Variants in PLIN4 observed in about 807,000 individuals in gnomAD.
PLIN4 encodes the protein perilipin-4.
In PLIN4, 57 loss-of-function variants were observed where a neutral mutation model predicts 52.4. The observed-to-expected ratio is 1.09, with a 90% CI of 0.88 to 1.36. The LOEUF (loss-of-function observed/expected upper bound fraction) is 1.36. PLIN4 is among the 40% of genes most tolerant of loss of function. The pLI, the probability that PLIN4 is intolerant of heterozygous loss-of-function variation, is 0.00. For synonymous variants in PLIN4, 826 were observed against 785.4 expected (o/e 1.05, Z -0.86); for missense variants, 1,757 against 1,770.3 (o/e 0.99, Z 0.13).
rs765167897 is a variant in PLIN4, at chr19:4,512,572, G to A, written c.1388C>T (p.Thr463Ile). The A allele has an allele frequency of 6.2e-7, 1 of 1,610,654 alleles. No individual in the cohort carries two copies. Among genetic ancestry groups the A allele is most frequent in the African/African-American group, 1.3e-5 (1 of 74,614 alleles). Residue 463 changes from threonine (T) to isoleucine (I), a missense_variant, in exon 5 of 8, where the codon ACT becomes ATT. Coordinates refer to ENST00000301286, the MANE Select transcript of PLIN4 (RefSeq NM_001367868.2). The stretch of plus-strand genomic sequence containing the variant: ...ACTGCAGACAGTGTCCTTGGTACCA[G>A]TTAGAACGATCTTGGTGGTGTCCAC... ...TGVDTTKIVL[T>I]GTKDTVCSGV...
At chr19:4,506,423 A>C (rs1976095698) in intron 6 of PLIN4, among the ~76,000 whole-genome samples, 1 of 152,218 alleles carries the variant, frequency 6.6e-6, no homozygotes, top group African/African-American at 2.4e-5. Context: ...GACCAGCCCC[A>C]GCACAGCCAC....
chr19:4,508,363 C>T (rs1331151958), intron 6 of PLIN4, among the ~76,000 whole-genome samples: 2 of 152,156 alleles, frequency 1.3e-5, no homozygotes, highest in African/African-American at 4.8e-5. Context: ...TTCAACCTCG[C>T]CTCCCAGATT....
At chr19:4,517,821 A>G in intron 2 of PLIN4, 123 bp from the exon 3 acceptor site, 1 of 1,303,840 alleles carries the variant, frequency 7.7e-7, no homozygotes, top group Admixed American at 2.6e-5. Flanking sequence ...GACCTCAGGA[A>G]AGTGTTTCAG....
rs1051356708 is a variant in PLIN4, at chr19:4,502,402, A to G, written c.*2057T>C. The G allele has an allele frequency of 5.5e-5, 19 of 347,948 alleles. No individual in the cohort carries two copies. The highest frequency in any genetic ancestry group is 3.5e-4 in the African/African-American group (16 of 45,690). 21.6% of individuals were successfully genotyped at this position (347,948 alleles called of 1,614,324 possible). ...GTGGCAGGAGAGCTGGGCGGGAGCA[A>G]GCTCTTCCCAGGAGACAAGAGGGAC... On this transcript the variant is annotated 3_prime_UTR_variant, in exon 8 of 8. Transcript: ENST00000301286.
In PLIN4 at chr19:4,513,673, C is replaced by A. The variant is rs1976507749; in HGVS notation, c.287G>T (p.Cys96Phe). 6.3e-7 allele frequency: 1 copy of A among 1,590,418 alleles called. No homozygotes were observed. The highest frequency in any genetic ancestry group is 2.2e-5 in the East Asian group (1 of 44,638). ...ATCCTTGGCCCTGGACATCTTGGAA[C>A]ACACCAGGTCTTTGGCCCCGGACAC... is the stretch of plus-strand genomic sequence containing the variant. Reference protein sequence around the residue: ...KMVSGAKDLVCSKMSRAKDAV... With the variant: ...KMVSGAKDLVFSKMSRAKDAV... The change falls in exon 5 of 8, where the codon TGT (cysteine) becomes TTT (phenylalanine). Residue 96 changes from cysteine (C) to phenylalanine (F), a missense_variant. Cys to Phe is a radical substitution (Grantham distance 205). Around this residue, in one of 7 missense-constraint regions of PLIN4, gnomAD observed 332 missense variants for 310.8 expected, o/e 1.07. Coordinates refer to ENST00000301286, the MANE Select transcript of PLIN4 (RefSeq NM_001367868.2).
chr19:4,512,216 C>A lies in PLIN4; in HGVS notation c.1744G>T (p.Ala582Ser). The change falls in exon 5 of 8, where the codon GCT (alanine) becomes TCT (serine). Residue 582 changes from alanine to serine, a missense_variant. By Grantham distance (99) the Ala-to-Ser change is moderately conservative (BLOSUM62 1). Transcript: ENST00000301286. ...LTGAANVAKG[A>S]VQTGVDTAKT... ...GCTGTGTCTACACCTGTCTGGACAG[C>A]CCCCTTGGCCACATTCGCTGCCCCC... 1.2e-6 allele frequency: 2 copies of A among 1,612,880 alleles called. No individual in the cohort carries two copies. Among genetic ancestry groups the A allele is most frequent in the Non-Finnish European group, 1.7e-6 (2 of 1,179,748 alleles).
At chr19:4,507,115 A>T (rs1478501993) in intron 6 of PLIN4, among the ~76,000 whole-genome samples, 1 of 152,190 alleles carries the variant, frequency 6.6e-6, no homozygotes, top group African/African-American at 2.4e-5. Flanking sequence ...GGTCATCCAC[A>T]CTGAGAACCC....
chr19:4,504,164 TGG>T lies in PLIN4; in HGVS notation c.*293_*294del, dbSNP rs1212581395. The T allele has an allele frequency of 2.8e-6, 1 of 358,966 alleles. No homozygotes were observed. Among genetic ancestry groups the T allele is most frequent in the Non-Finnish European group, 5.0e-6 (1 of 199,910 alleles). The allele number at this position is 358,966 out of a possible 1,614,324, so 22.2% of individuals were successfully genotyped here. On this transcript the variant is annotated 3_prime_UTR_variant, in exon 8 of 8. Transcript: ENST00000301286. ...CTCTTTCCTAATTGCAGTGCTTGCT[TGG>T]GGACTTCAAGGGAAGGCTCTTGGCT... is the stretch of plus-strand genomic sequence containing the variant.
rs995009361 is a variant in PLIN4, at chr19:4,518,273, A to G, written c.-1T>C. The G allele has an allele frequency of 8.1e-7, 1 of 1,232,720 alleles. No individual in the cohort carries two copies. Among genetic ancestry groups the G allele is most frequent in the Non-Finnish European group, 1.0e-6 (1 of 988,508 alleles). 76.4% of individuals were successfully genotyped at this position (1,232,720 alleles called of 1,614,324 possible). ...GTCTCCCTTCGTCTGGAGCAGACAT[A>G]GTGAGAACGTGAGAAGCTGGAAGGG... is the stretch of plus-strand genomic sequence containing the variant. On this transcript the variant is annotated 5_prime_UTR_variant, in exon 2 of 8. Transcript: ENST00000301286.
chr19:4,512,244 G>A lies in PLIN4; in HGVS notation c.1716C>T (p.Leu572=). The part of the protein sequence containing the change: ...IGTKDTMSTG[L]TGAANVAKGA... The stretch of plus-strand genomic sequence containing the variant: ...CCTTGGCCACATTCGCTGCCCCCGT[G>A]AGCCCAGTGGACATCGTGTCTTTTG... The change falls in exon 5 of 8, where the codon CTC becomes CTT. Residue 572 remains leucine, a synonymous_variant. Transcript: ENST00000301286. 3 of 1,611,456 alleles carry A rather than the reference G, an allele frequency of 1.9e-6. No homozygotes were observed. The highest frequency in any genetic ancestry group is 2.5e-6 in the Non-Finnish European group (3 of 1,179,530).
In PLIN4 at chr19:4,518,460, G is replaced by C; in HGVS notation, c.-93C>G. 8.2e-7 allele frequency: 1 copy of C among 1,222,910 alleles called. No homozygotes were observed. Among genetic ancestry groups the C allele is most frequent in the Non-Finnish European group, 1.0e-6 (1 of 982,842 alleles). The allele number at this position is 1,222,910 out of a possible 1,614,324, so 75.8% of individuals were successfully genotyped here. A position where few individuals can be genotyped will look rare whatever the true frequency, so the allele number is the denominator to read the frequency against. On this transcript the variant is annotated 5_prime_UTR_variant, in exon 1 of 8. Transcript: ENST00000301286. The stretch of plus-strand genomic sequence containing the variant: ...CACCTGGACTGCGCGGGGTCCCCTG[G>C]AGGACGGACCGGCCCGGCTGGCAGC...
intron 4 of PLIN4, among the ~76,000 whole-genome samples, chr19:4,514,619 C>T (rs574041406): frequency 1.3e-5 from 2 of 150,900 alleles, no homozygotes; most frequent in African/African-American, 2.4e-5. Flanking sequence ...CCCAGCTACT[C>T]GGGAGGCTGA....
In PLIN4 at chr19:4,504,276, G is replaced by A. The variant is rs1028069006; in HGVS notation, c.*183C>T. On this transcript the variant is annotated 3_prime_UTR_variant, in exon 8 of 8. Coordinates refer to ENST00000301286, the MANE Select transcript of PLIN4 (RefSeq NM_001367868.2). ...GATGCAGGCAGGCCCGGAGCAGGGC[G>A]TGGGGTGGCTCAGTTAAGAAGGTCA... 4.9e-5 allele frequency: 29 copies of A among 593,206 alleles called. No individual in the cohort carries two copies. The highest frequency in any genetic ancestry group is 8.8e-4 in the Middle Eastern group (2 of 2,264). The allele number at this position is 593,206 out of a possible 1,614,324, so 36.7% of individuals were successfully genotyped here. A position where few individuals can be genotyped will look rare whatever the true frequency, so the allele number is the denominator to read the frequency against.
At chr19:4,516,322 G>T (rs576988577) in intron 4 of PLIN4, among the ~76,000 whole-genome samples, 1 of 152,152 alleles carries the variant, frequency 6.6e-6, no homozygotes, top group African/African-American at 2.4e-5. Context: ...CGCTGCTGTC[G>T]CTTTGGTCTC....
intron 4 of PLIN4, among the ~76,000 whole-genome samples, chr19:4,515,616 C>T (rs1248402521): frequency 6.6e-6 from 1 of 152,106 alleles, no homozygotes; most frequent in Non-Finnish European, 1.5e-5. Flanking sequence ...ATTCTGCCCC[C>T]AGGGGGCACT....
At chr19:4,514,768 C>T (rs1976541743) in intron 4 of PLIN4, among the ~76,000 whole-genome samples, 1 of 151,268 alleles carries the variant, frequency 6.6e-6, no homozygotes, top group Non-Finnish European at 1.5e-5. Context: ...TATATTCAGG[C>T]TGGGCACAGT....
intron 4 of PLIN4, among the ~76,000 whole-genome samples, chr19:4,514,914 G>A (rs1444708865): frequency 2.0e-5 from 3 of 149,820 alleles, no homozygotes; most frequent in Non-Finnish European, 3.0e-5. Context: ...GGTGGCTCAC[G>A]CCTGTAATCC....
At chr19:4,515,664 G>T (rs1234499344) in intron 4 of PLIN4, among the ~76,000 whole-genome samples, 3 of 152,202 alleles carry the variant, frequency 2.0e-5, no homozygotes, top group African/African-American at 7.2e-5. Flanking sequence ...GTCACAACTT[G>T]GGGAGGCTCC....
chr19:4,513,940 G>A (rs1190238470), intron 4 of PLIN4, among the ~76,000 whole-genome samples: 3 of 152,154 alleles, frequency 2.0e-5, no homozygotes, highest in Non-Finnish European at 2.9e-5. Flanking sequence ...AGCTCACAGC[G>A]CCAGCCTCTT....
Sources: allele counts gnomAD v4.1 joint callset (sites outside exome capture counted in the v4.1 genomes callset), GRCh38; gene constraint gnomAD v4.1.1; regional missense constraint gnomAD v4.1.1; transcripts MANE v1.5; gene names NCBI Gene and HGNC (gene_info 2026-07-23, HGNC 2026-07-21).